The following ACAP3 variants were observed in gnomAD, a reference collection of about 807,000 sequenced individuals.
ACAP3 encodes the protein ArfGAP with coiled-coil, ankyrin repeat and PH domains 3, also known as arf-GAP with coiled-coil, ANK repeat and PH domain-containing protein 3.
Under a neutral mutation model 104.1 loss-of-function variants are expected in ACAP3, and 56 were observed. The observed-to-expected ratio is 0.54, with a 90% CI of 0.43 to 0.67. The LOEUF is 0.67. ACAP3 is among the 30% of genes least tolerant of loss of function. ACAP3 has a pLI of 0.00. For missense variants in ACAP3, 1,208 were observed against 1,174.9 expected (o/e 1.03, Z -0.41); for synonymous variants, 628 against 496.2 (o/e 1.27, Z -3.53).
chr1:1,303,483 G>A lies in ACAP3; in HGVS notation c.106-202C>T. 1.9e-6 allele frequency: 1 copy of A among 519,528 alleles called. No homozygotes were observed. The highest frequency in any genetic ancestry group is 3.3e-6 in the Non-Finnish European group (1 of 302,184). The allele number at this position is 519,528 out of a possible 1,614,324, so 32.2% of individuals were successfully genotyped here. A position where few individuals can be genotyped will look rare whatever the true frequency, so the allele number is the denominator to read the frequency against. ...GGCCCGTCTGGGAGGGGAGGGTGGG[G>A]CCGCCACGGCTCGGCTGGGAGGGAC... On this transcript the variant is annotated intron_variant, in intron 2 of 23. Coordinates refer to ENST00000354700, the MANE Select transcript of ACAP3 (RefSeq NM_030649.3). The surrounding 1 kb of genome is among the most constrained non-coding windows in gnomAD (Gnocchi z 4.0).
chr1:1,303,941 G>A lies in ACAP3; in HGVS notation c.105+145C>T. 1 of 965,846 alleles carries A rather than the reference G, an allele frequency of 1.0e-6. No homozygotes were observed. The highest frequency in any genetic ancestry group is 1.5e-6 in the Non-Finnish European group (1 of 647,506). 59.8% of individuals were successfully genotyped at this position (965,846 alleles called of 1,614,324 possible). A position where few individuals can be genotyped will look rare whatever the true frequency, so the allele number is the denominator to read the frequency against. ...GTGCACCCTGGAACACACATGCTAA[G>A]ACACAGGGACCAGGACCTGGAGCAC... is the stretch of plus-strand genomic sequence containing the variant. On this transcript the variant is annotated intron_variant, in intron 2 of 23. Coordinates refer to ENST00000354700, the MANE Select transcript of ACAP3 (RefSeq NM_030649.3). This position sits in a 1 kb window ranked among gnomAD's most constrained non-coding sequence, Gnocchi z 4.0.
At chr1:1,304,944 T>C (rs1641626708) in intron 1 of ACAP3, 1 of 152,302 alleles carries the variant, frequency 6.6e-6, no homozygotes, top group African/African-American at 2.4e-5. Context: ...GCTCACTGGC[T>C]GTCCGGGCCA....
chr1:1,293,694 C>A lies in ACAP3; in HGVS notation c.2375G>T (p.Arg792Leu), dbSNP rs1291426067. Residue 792 changes from arginine to leucine, a missense_variant, in exon 24 of 24, where the codon CGC becomes CTC. Coordinates refer to ENST00000354700, the MANE Select transcript of ACAP3 (RefSeq NM_030649.3). ...GGCCTCGCGCATTTCCTCCGCCATG[C>A]GCGCCAGACGGAGCCTACGGGGAGG... ...ADIVTLLRLA[R>L]MAEEMREAEA... 4 of 1,411,254 alleles carry A rather than the reference C, an allele frequency of 2.8e-6. No homozygotes were observed. Among genetic ancestry groups the A allele is most frequent in the Non-Finnish European group, 3.7e-6 (4 of 1,095,584 alleles). The allele number at this position is 1,411,254 out of a possible 1,614,324, so 87.4% of individuals were successfully genotyped here. A position where few individuals can be genotyped will look rare whatever the true frequency, so the allele number is the denominator to read the frequency against.
intron 10 of ACAP3, 118 bp downstream of exon 10, chr1:1,299,226 GC>G: frequency 7.6e-7 from 1 of 1,315,168 alleles, no homozygotes. Context: ...AGCAGCAGGA[GC>G]CGAGACTGGT....
rs1246834423 is a variant in ACAP3 at position 1,302,034 on chromosome 1, G to C, written c.292C>G (p.Gln98Glu). Residue 98 changes from glutamine (Q) to glutamate (E), a missense_variant, in exon 5 of 24, where the codon CAG becomes GAG. Gln to Glu is a conservative substitution (Grantham distance 29). Coordinates refer to ENST00000354700, the MANE Select transcript of ACAP3 (RefSeq NM_030649.3). ...TGCTGCCGCACGGACCTCTGGGCCT[G>C]GTCAAACAGGATCTGGGGGCAGAGG... ...VVNYHMILFD[Q>E]AQRSVRQQLQ... 1 of 1,559,524 alleles carries C rather than the reference G, an allele frequency of 6.4e-7. No homozygotes were observed. Among genetic ancestry groups the C allele is most frequent in the Middle Eastern group, 1.7e-4 (1 of 5,838 alleles).
In ACAP3 at chr1:1,293,645, G is replaced by A. The variant is rs998756592; in HGVS notation, c.2424C>T (p.Gly808=). 4.1e-6 allele frequency: 6 copies of A among 1,479,568 alleles called. No homozygotes were observed. The African/African-American group carries it at 4.5e-5, about 11-fold the overall frequency. 91.7% of individuals were successfully genotyped at this position (1,479,568 alleles called of 1,614,324 possible). The change falls in exon 24 of 24, where the codon GGC becomes GGT. Residue 808 remains glycine (G), a synonymous_variant. Transcript: ENST00000354700. ...REAEAAPGPP[G]ALAGSPTELQ... is the part of the protein sequence containing the mutation. ...GCTCCGTGGGGCTGCCCGCCAGGGC[G>A]CCCGGGGGACCAGGGGCAGCCTCGG...
At chr1:1,304,235 A>C in intron 1 of ACAP3, 92 bp from the exon 2 acceptor site, 9 of 1,447,858 alleles carry the variant, frequency 6.2e-6, no homozygotes, top group Middle Eastern at 3.5e-4. Flanking sequence ...GGGCTCCACC[A>C]TGGGAAGGGG....
In ACAP3 at chr1:1,303,932, AC is replaced by A; in HGVS notation, c.105+153del. On this transcript the variant is annotated intron_variant, in intron 2 of 23. Transcript: ENST00000354700. This position sits in a 1 kb window ranked among gnomAD's most constrained non-coding sequence, Gnocchi z 4.0. The stretch of plus-strand genomic sequence containing the variant: ...ATGTGACATGTGCACCCTGGAACAC[AC>A]ATGCTAAGACACAGGGACCAGGACC... 1 of 877,460 alleles carries A rather than the reference AC, an allele frequency of 1.1e-6. No individual in the cohort carries two copies. The allele number at this position is 877,460 out of a possible 1,614,324, so 54.4% of individuals were successfully genotyped here.
At chr1:1,298,712 A>G in intron 10 of ACAP3, 33 bp from the exon 11 acceptor site, 1 of 1,514,076 alleles carries the variant, frequency 6.6e-7, no homozygotes, top group Non-Finnish European at 9.2e-7. Flanking sequence ...CTCAGTGCCC[A>G]CCCCAGGGGC....
chr1:1,306,023 C>G (rs1395449993), intron 1 of ACAP3: 1 of 152,308 alleles, frequency 6.6e-6, no homozygotes, highest in Non-Finnish European at 1.5e-5. Flanking sequence ...CCCAGGACAG[C>G]CTCAGGGAGC....
At chr1:1,295,223 C>A (rs1641071285) in intron 19 of ACAP3, among the ~76,000 whole-genome samples, 1 of 152,148 alleles carries the variant, frequency 6.6e-6, no homozygotes, top group Non-Finnish European at 1.5e-5. Context: ...GCACCCCGGG[C>A]CACCCGCTGT....
In ACAP3 at chr1:1,294,121, G is replaced by C; in HGVS notation, c.2218C>G (p.Leu740Val). The change falls in exon 22 of 24, where the codon CTG becomes GTG. Residue 740 changes from leucine (L) to valine (V), a missense_variant. By Grantham distance (32) the Leu-to-Val change is conservative (BLOSUM62 1). Transcript: ENST00000354700. ...CGGCCCAGCAGCGTGGCGTGGTGCA[G>C]GGGCGCCCGGCCCCGGCTGTCTCTT... ...NQRDSRGRAP[L>V]HHATLLGRTG... is the part of the protein sequence containing the mutation. 1 of 1,589,362 alleles carries C rather than the reference G, an allele frequency of 6.3e-7. No homozygotes were observed. The highest frequency in any genetic ancestry group is 1.3e-5 in the African/African-American group (1 of 74,572).
chr1:1,298,722 C>T (rs772247924), intron 10 of ACAP3, 43 bp from the exon 11 acceptor site: 9 of 1,478,218 alleles, frequency 6.1e-6, no homozygotes, highest in Non-Finnish European at 1.9e-6. Flanking sequence ...ACCCCAGGGG[C>T]CCTGCTACCC....
chr1:1,293,637 G>C lies in ACAP3; in HGVS notation c.2432C>G (p.Ala811Gly). The C allele has an allele frequency of 6.7e-7, 1 of 1,482,572 alleles. No homozygotes were observed. The highest frequency in any genetic ancestry group is 8.9e-7 in the Non-Finnish European group (1 of 1,123,400). The allele number at this position is 1,482,572 out of a possible 1,614,324, so 91.8% of individuals were successfully genotyped here. ...GAACTGGAGCTCCGTGGGGCTGCCC[G>C]CCAGGGCGCCCGGGGGACCAGGGGC... ...EAAPGPPGAL[A>G]GSPTELQFRR... The change falls in exon 24 of 24, where the codon GCG becomes GGG. Residue 811 changes from alanine to glycine, a missense_variant. Ala to Gly is a moderately conservative substitution (Grantham distance 60). Transcript: ENST00000354700.
chr1:1,305,155 C>T (rs1007228873), intron 1 of ACAP3: 1 of 152,418 alleles, frequency 6.6e-6, no homozygotes, highest in African/African-American at 2.4e-5. Flanking sequence ...GCTGCAGGCA[C>T]CAGGCTGCCC....
In ACAP3 at chr1:1,300,149, C is replaced by A. The variant is rs770729067; in HGVS notation, c.567+9G>T. ...AGCCTGTGCTCAGGGGCAGCCCCCA[C>A]GCACTCACAGAGTCCAGGATCTCAA... On this transcript the variant is annotated intron_variant, in intron 7 of 23. Transcript: ENST00000354700. 1 of 1,610,006 alleles carries A rather than the reference C, an allele frequency of 6.2e-7. No individual in the cohort carries two copies. The highest frequency in any genetic ancestry group is 2.2e-5 in the East Asian group (1 of 44,824).
At chr1:1,307,654 C>G (rs1641801612) in intron 1 of ACAP3, 115 bp downstream of exon 1, 2 of 981,528 alleles carry the variant, frequency 2.0e-6, no homozygotes, top group Non-Finnish European at 2.5e-6. Flanking sequence ...TCCTCCAGCC[C>G]CTCCCCGGCG....
Position 1,296,513 on chromosome 1 carries a change from G to A in ACAP3, c.1249C>T (p.Gln417Ter). The change falls in exon 15 of 24, where the codon CAG becomes TAG. Residue 417 changes from glutamine to a stop codon, truncating the protein, a stop_gained. Transcript: ENST00000354700. LOFTEE classifies it high-confidence loss of function. ...TCCGGCTGGCCGCAGTCGCCGCACTGGCTGTTGCCGGCCACACTCTGCACA... is the reference window on the plus strand; with the variant it reads ...TCCGGCTGGCCGCAGTCGCCGCACTAGCTGTTGCCGGCCACACTCTGCACA... ...QRVQSVAGNS[Q>*]CGDCGQPDPR... 6.5e-7 allele frequency: 1 copy of A among 1,540,840 alleles called. No homozygotes were observed. The highest frequency in any genetic ancestry group is 8.7e-7 in the Non-Finnish European group (1 of 1,146,704).
chr1:1,295,250 G>C (rs765178381), intron 19 of ACAP3, among the ~76,000 whole-genome samples, 197 bp downstream of exon 19: 4 of 152,138 alleles, frequency 2.6e-5, no homozygotes, highest in Non-Finnish European at 5.9e-5. Context: ...ACACCCAGGT[G>C]CACACAGCCC....
Sources: gnomAD v4.1 joint callset for allele counts (sites outside exome capture counted in the v4.1 genomes callset) on GRCh38, gnomAD v4.1.1 for gene constraint, Gnocchi (gnomAD v3.1) non-coding constraint, MANE v1.5 for transcripts, NCBI Gene and HGNC (gene_info 2026-07-23, HGNC 2026-07-21) for gene names.